FCGRT: variants seen among roughly 807,000 people sequenced by gnomAD.
FCGRT encodes the protein Fc gamma receptor and transporter, also known as IgG receptor FcRn large subunit p51.
FCGRT carries 13 observed loss-of-function variants against 35.7 expected under a neutral mutation model. The ratio of observed to expected loss-of-function variants is 0.36; its 90% CI spans 0.24 to 0.58. The LOEUF is 0.58. Among genes scored for constraint, FCGRT ranks in the 20% least tolerant of loss-of-function variants. FCGRT has a pLI of 0.77. For missense variants in FCGRT, 455 were observed against 474.9 expected (o/e 0.96, Z 0.39); for synonymous variants, 233 against 216.5 (o/e 1.08, Z -0.67).
intron 2 of FCGRT, 121 bp from the exon 3 acceptor site, chr19:49,513,761 C>T: frequency 3.1e-6 from 1 of 322,640 alleles, no homozygotes; most frequent in Non-Finnish European, 4.8e-6. Flanking sequence ...GGTTTCTGTC[C>T]CCTCTCTCTG....
Position 49,526,003 on chromosome 19 carries a change from TC to T in FCGRT, c.989-5del. The T allele has an allele frequency of 6.3e-7, 1 of 1,578,810 alleles. No individual in the cohort carries two copies. The highest frequency in any genetic ancestry group is 8.7e-7 in the Non-Finnish European group (1 of 1,148,554). Reference sequence around the variant, plus strand: ...CTGATGACCTCTCCCTCTCTCTCTCTCCTCAGCCCCTTGGATCTCCCTTCGT... The same window carrying T: ...CTGATGACCTCTCCCTCTCTCTCTCTCTCAGCCCCTTGGATCTCCCTTCGT... On this transcript the variant is annotated splice_polypyrimidine_tract_variant and splice_region_variant and intron_variant, in intron 6 of 6. Coordinates refer to ENST00000221466, the MANE Select transcript of FCGRT (RefSeq NM_001136019.3).
chr19:49,513,469 C>T lies in FCGRT; in HGVS notation c.69C>T (p.Gly23=), dbSNP rs1481416604. 1.6e-6 allele frequency: 2 copies of T among 1,243,034 alleles called. No individual in the cohort carries two copies. 77.0% of individuals were successfully genotyped at this position (1,243,034 alleles called of 1,614,324 possible). Reference sequence around the variant, plus strand: ...TCTTTCTCCTTCCTGGGAGCCTGGGCGCAGGTGAGGGCCGCTCCGGGCCAG... The same window carrying T: ...TCTTTCTCCTTCCTGGGAGCCTGGGTGCAGGTGAGGGCCGCTCCGGGCCAG... ...LLLFLLPGSL[G]AESHLSLLYH... is the part of the protein sequence containing the mutation. The change falls in exon 2 of 7, where the codon GGC becomes GGT. Residue 23 remains glycine (G), a synonymous_variant. Coordinates refer to ENST00000221466, the MANE Select transcript of FCGRT (RefSeq NM_001136019.3).
At chr19:49,520,898 G>GGA (rs1447654747) in intron 4 of FCGRT, 8 of 152,238 alleles carry the variant, frequency 5.3e-5, no homozygotes, top group Non-Finnish European at 8.8e-5. Context: ...GCTCCAGGAG[G>GGA]GAGAAGCTGC....
intron 4 of FCGRT, among the ~76,000 whole-genome samples, chr19:49,521,484 C>T (rs1233800220): frequency 6.6e-6 from 1 of 150,862 alleles, no homozygotes; most frequent in Non-Finnish European, 1.5e-5. Flanking sequence ...GCAGGAGAAT[C>T]GCTTGACCCC....
At position 49,524,707 on chromosome 19, in the gene FCGRT, G is replaced by A. The variant is rs756533874; in HGVS notation, c.802G>A (p.Gly268Ser). Residue 268 changes from glycine to serine, a missense_variant, in exon 5 of 7, where the codon GGC (glycine) becomes AGC (serine). Transcript: ENST00000221466. Reference sequence around the variant, plus strand: ...CTCGTCGTCACTAACAGTCAAAAGTGGCGATGAGCACCACTACTGCTGCAT... The same window carrying A: ...CTCGTCGTCACTAACAGTCAAAAGTAGCGATGAGCACCACTACTGCTGCAT... ...HASSSLTVKS[G>S]DEHHYCCIVQ... The A allele has an allele frequency of 6.2e-7, 1 of 1,602,900 alleles. No individual in the cohort carries two copies. The highest frequency in any genetic ancestry group is 1.1e-5 in the South Asian group (1 of 91,086).
At chr19:49,516,499 C>CCT (rs1378277279) in intron 4 of FCGRT, among the ~76,000 whole-genome samples, 4 of 151,756 alleles carry the variant, frequency 2.6e-5, no homozygotes, top group African/African-American at 9.7e-5. Flanking sequence ...GATCTGCCTG[C>CCT]CTCGGCCTCC....
intron 1 of FCGRT, 127 bp from the exon 2 acceptor site, chr19:49,513,260 G>A: frequency 2.5e-6 from 1 of 406,428 alleles, no homozygotes. Context: ...GGAGGGCATT[G>A]TTGTCAGTCT....
chr19:49,514,782 C>T (rs1193973833), intron 4 of FCGRT, among the ~76,000 whole-genome samples: 1 of 151,716 alleles, frequency 6.6e-6, no homozygotes, highest in Non-Finnish European at 1.5e-5. Context: ...CAACCTCCGC[C>T]TCCCGGGTTC....
chr19:49,525,518 G>T lies in FCGRT; in HGVS notation c.933G>T (p.Thr311=). ...TCGTCATCGGTGTCTTGCTACTCAC[G>T]GCAGCGGCTGTAGGAGGAGCTCTGT... The part of the protein sequence containing the change: ...VGIVIGVLLL[T]AAAVGGALLW... The change falls in exon 6 of 7, where the codon ACG becomes ACT. Residue 311 remains threonine (T), a synonymous_variant. Transcript: ENST00000221466. The T allele has an allele frequency of 1.9e-6, 3 of 1,613,890 alleles. No homozygotes were observed. Among genetic ancestry groups the T allele is most frequent in the Non-Finnish European group, 2.5e-6 (3 of 1,179,992 alleles).
At chr19:49,525,024 C>T in intron 5 of FCGRT, 1 of 653,142 alleles carries the variant, frequency 1.5e-6, no homozygotes, top group South Asian at 1.5e-5. Context: ...ATGGCCAGTC[C>T]TCCCTGAGTC....
chr19:49,514,443 G>A lies in FCGRT; in HGVS notation c.558G>A (p.Leu186=). The A allele has an allele frequency of 6.3e-7, 1 of 1,576,388 alleles. No homozygotes were observed. The highest frequency in any genetic ancestry group is 8.6e-7 in the Non-Finnish European group (1 of 1,157,448). Residue 186 remains leucine, a synonymous_variant, in exon 4 of 7, where the codon CTG becomes CTA. Coordinates refer to ENST00000221466, the MANE Select transcript of FCGRT (RefSeq NM_001136019.3). ...TFLLFSCPHR[L]REHLERGRGN... is the part of the protein sequence containing the mutation. ...TGCTATTCTCCTGCCCGCACCGCCT[G>A]CGGGAGCACCTGGAGAGGGGCCGCG...
intron 4 of FCGRT, among the ~76,000 whole-genome samples, chr19:49,518,247 C>G (rs975882732): frequency 6.6e-6 from 1 of 152,148 alleles, no homozygotes; most frequent in Non-Finnish European, 1.5e-5. Flanking sequence ...AGTTTTTGTT[C>G]CCATATTCCT....
At chr19:49,514,708 T>G (rs2079997028) in intron 4 of FCGRT, among the ~76,000 whole-genome samples, 1 of 149,748 alleles carries the variant, frequency 6.7e-6, no homozygotes, top group African/African-American at 2.4e-5. Context: ...TTTTTTTTTT[T>G]GTGAGACGGA....
intron 5 of FCGRT, chr19:49,525,165 G>A (rs2080066794): frequency 7.8e-6 from 4 of 511,724 alleles, no homozygotes; most frequent in Non-Finnish European, 1.5e-5. Flanking sequence ...CCGGGCCCAT[G>A]AGACTGACTT....
intron 4 of FCGRT, among the ~76,000 whole-genome samples, chr19:49,522,480 G>A (rs1454827284): frequency 6.6e-6 from 1 of 151,870 alleles, no homozygotes; most frequent in African/African-American, 2.4e-5. Context: ...CGCCCAGGCT[G>A]GAGTGCAATG....
At chr19:49,518,679 G>A (rs963138264) in intron 4 of FCGRT, among the ~76,000 whole-genome samples, 2 of 151,964 alleles carry the variant, frequency 1.3e-5, no homozygotes, top group Non-Finnish European at 2.9e-5. Context: ...GATTACAGGC[G>A]CAAGCCACCA....
chr19:49,513,737 T>TGG (rs2079988280), intron 2 of FCGRT, 145 bp from the exon 3 acceptor site: 1 of 257,334 alleles, frequency 3.9e-6, no homozygotes, highest in Non-Finnish European at 6.7e-6. Context: ...TGGGTCTCTG[T>TGG]CCCCCCCCCC....
chr19:49,525,854 GGACGGAAAATTGGGAGAAGGGGA>G (rs796647424), intron 6 of FCGRT, 133 bp from the exon 7 acceptor site: 50 of 721,488 alleles, frequency 6.9e-5, no homozygotes, highest in Middle Eastern at 7.4e-4. Context: ...GAAAGAGGGG[GGACGGAAAATTGGGAGAAGGGGA>G]GACAAAGGCC....
At chr19:49,518,018 A>G (rs1214538789) in intron 4 of FCGRT, among the ~76,000 whole-genome samples, 1 of 151,678 alleles carries the variant, frequency 6.6e-6, no homozygotes, top group Non-Finnish European at 1.5e-5. Context: ...TAGAGACGGG[A>G]TTTCACTATG....
Sources: gnomAD v4.1 joint callset for allele counts (sites outside exome capture counted in the v4.1 genomes callset) on GRCh38, gnomAD v4.1.1 for gene constraint, MANE v1.5 for transcripts, NCBI Gene and HGNC (gene_info 2026-07-23, HGNC 2026-07-21) for gene names.